The following EXT1 variants were observed in gnomAD, a reference collection of about 807,000 sequenced individuals.
EXT1 encodes the protein exostosin-1.
A neutral mutation model predicts 82.5 loss-of-function variants in EXT1; 20 were observed. That is an observed-to-expected ratio of 0.24 (90% CI 0.17 to 0.35). The LOEUF is 0.35. EXT1 is among the 10% of genes least tolerant of loss of function. EXT1 has a pLI of 1.00. For missense variants in EXT1, 757 were observed against 936.5 expected (o/e 0.81, Z 2.50); for synonymous variants, 348 against 350.8 (o/e 0.99, Z 0.09).
chr8:117,838,521 G>A (rs989995118), intron 1 of EXT1, among the ~76,000 whole-genome samples: 2 of 151,872 alleles, frequency 1.3e-5, no homozygotes, highest in Admixed American at 1.3e-4. Flanking sequence ...CACCGTGAAT[G>A]GATTAAGATT....
chr8:117,813,057 A>G lies in EXT1; in HGVS notation c.1633-96T>C, dbSNP rs1823356549. Reference sequence around the variant, plus strand: ...GGACAATTCTCCCATCCTCACCTGCATAAAGAATGCGCTACTATCATGTCA... The same window carrying G: ...GGACAATTCTCCCATCCTCACCTGCGTAAAGAATGCGCTACTATCATGTCA... On this transcript the variant is annotated intron_variant, in intron 7 of 10. Transcript: ENST00000378204. 1.0e-4 allele frequency: 93 copies of G among 933,024 alleles called. 1 individual carries two copies. In the South Asian group the frequency reaches 1.3e-3, roughly 13 times the overall value. 57.8% of individuals were successfully genotyped at this position (933,024 alleles called of 1,614,324 possible).
intron 2 of EXT1, among the ~76,000 whole-genome samples, chr8:117,835,815 C>T (rs139405955): frequency 1.4e-3 from 217 of 152,296 alleles, no homozygotes; most frequent in Middle Eastern, 6.8e-3. Context: ...GTTTGGCTGA[C>T]CTTACTTCCA....
Position 118,110,608 on chromosome 8 carries a change from C to A in EXT1, c.439G>T (p.Asp147Tyr), listed in dbSNP as rs1245037592. ...ACAAAGAGGCACGCCTGGCTGGGGT[C>A]CGAGGTGTAGAACCTGGAGCCCTCG... ...AIEGSRFYTS[D>Y]PSQACLFVLS... The change falls in exon 1 of 11, where the codon GAC becomes TAC. Residue 147 changes from aspartate (D) to tyrosine (Y), a missense_variant. Asp to Tyr is a radical substitution (Grantham distance 160, BLOSUM62 -3). Coordinates refer to ENST00000378204, the MANE Select transcript of EXT1 (RefSeq NM_000127.3). 2.5e-6 allele frequency: 4 copies of A among 1,614,032 alleles called. No individual in the cohort carries two copies. Among genetic ancestry groups the A allele is most frequent in the African/African-American group, 1.3e-5 (1 of 74,890 alleles).
chr8:117,895,418 C>T (rs1481884518), intron 1 of EXT1, among the ~76,000 whole-genome samples: 1 of 152,122 alleles, frequency 6.6e-6, no homozygotes, highest in African/African-American at 2.4e-5. Context: ...ATTTGACAGG[C>T]ATGGTCAATG....
At chr8:117,814,101 GAGAAGA>G (rs892918749) in intron 7 of EXT1, among the ~76,000 whole-genome samples, 21 of 151,338 alleles carry the variant, frequency 1.4e-4, no homozygotes, top group African/African-American at 4.9e-4. Flanking sequence ...GAAGGAGAAG[GAGAAGA>G]AGAAGAAAAA....
chr8:117,809,352 C>G (rs10955833), intron 8 of EXT1, among the ~76,000 whole-genome samples: 58,199 of 149,766 alleles, frequency 0.39, 11,666 homozygotes, highest in Admixed American at 0.52. Context: ...AACATCCACA[C>G]GGGGCCAGGC....
intron 1 of EXT1, among the ~76,000 whole-genome samples, chr8:117,897,866 ACGGT>A (rs1813371831): frequency 6.6e-6 from 1 of 151,440 alleles, no homozygotes; most frequent in Admixed American, 6.6e-5. Flanking sequence ...GCCTCCCAAA[ACGGT>A]CGGATTATAG....
Position 117,819,753 on chromosome 8 carries a change from C to T in EXT1, c.1459G>A (p.Val487Met). ...TGGGACTGAGAGACCAGGGGGGTCACCGCATGGATGACTGCAGTGAATTTG... is the reference window on the plus strand; with the variant it reads ...TGGGACTGAGAGACCAGGGGGGTCATCGCATGGATGACTGCAGTGAATTTG... The part of the protein sequence containing the change: ...PSKFTAVIHA[V>M]TPLVSQSQPV... The change falls in exon 6 of 11, where the codon GTG (valine) becomes ATG (methionine). Residue 487 changes from valine to methionine, a missense_variant. Physicochemically the swap from Val to Met is conservative, Grantham distance 21. Around this residue, in one of 4 missense-constraint regions of EXT1, gnomAD observed 207 missense variants for 224.2 expected, o/e 0.92. Coordinates refer to ENST00000378204, the MANE Select transcript of EXT1 (RefSeq NM_000127.3). 6.2e-7 allele frequency: 1 copy of T among 1,613,414 alleles called. No homozygotes were observed. The highest frequency in any genetic ancestry group is 8.5e-7 in the Non-Finnish European group (1 of 1,180,012).
At chr8:117,853,263 G>T (rs968535876) in intron 1 of EXT1, among the ~76,000 whole-genome samples, 2 of 152,188 alleles carry the variant, frequency 1.3e-5, no homozygotes, top group African/African-American at 4.8e-5. Flanking sequence ...GGATGTCTGA[G>T]GCCGGGCATG....
chr8:117,985,262 A>G (rs1426871551), intron 1 of EXT1, among the ~76,000 whole-genome samples: 1 of 152,226 alleles, frequency 6.6e-6, no homozygotes, highest in Admixed American at 6.5e-5. Context: ...CAAAGGCACA[A>G]GCCACAGACC....
intron 1 of EXT1, among the ~76,000 whole-genome samples, chr8:117,980,696 TGG>T (rs773789919): frequency 1.4e-3 from 11 of 7,910 alleles, no homozygotes; most frequent in South Asian, 0.011. Flanking sequence ...CGGGTGTTGG[TGG>T]TTTTTTTTTT....
rs192356179 is a variant in EXT1, at chr8:117,990,028, C to G, written c.962+120057G>C. ...GTCTACTAAAAATACAAAATATTAG[C>G]TGGGTGTGGTGGTATGAGCCTGTAA... is the stretch of plus-strand genomic sequence containing the variant. On this transcript the variant is annotated intron_variant, in intron 1 of 10. Coordinates refer to ENST00000378204, the MANE Select transcript of EXT1 (RefSeq NM_000127.3). Among the ~76,000 whole-genome samples, 612 of 152,178 alleles carry G rather than the reference C, an allele frequency of 4.0e-3. 16 individuals are homozygous for G. The highest frequency in any genetic ancestry group is 0.038 in the Admixed American group (584 of 15,272).
chr8:117,811,258 TTGAA>T (rs1171850309), intron 8 of EXT1, among the ~76,000 whole-genome samples: 6 of 152,218 alleles, frequency 3.9e-5, no homozygotes, highest in African/African-American at 1.4e-4. Context: ...TAAATACTTG[TTGAA>T]TGAATGTGTT....
chr8:117,948,402 C>T (rs1409241276), intron 1 of EXT1, among the ~76,000 whole-genome samples: 2 of 150,722 alleles, frequency 1.3e-5, no homozygotes, highest in Admixed American at 6.6e-5. Context: ...AGAACAAGGT[C>T]AACAAATGTT....
At chr8:117,865,469 A>T (rs1324889043) in intron 1 of EXT1, among the ~76,000 whole-genome samples, 1 of 152,194 alleles carries the variant, frequency 6.6e-6, no homozygotes, top group Non-Finnish European at 1.5e-5. Context: ...GTGATTATAG[A>T]GCGAGAAAAA....
chr8:117,973,911 AGGG>A (rs1272818409), intron 1 of EXT1, among the ~76,000 whole-genome samples: 4 of 146,006 alleles, frequency 2.7e-5, no homozygotes, highest in African/African-American at 1.0e-4. Flanking sequence ...AAAGGAAAGG[AGGG>A]AAGAAAGGCA....
At chr8:118,082,160 G>A (rs1333907841) in intron 1 of EXT1, among the ~76,000 whole-genome samples, 4 of 152,138 alleles carry the variant, frequency 2.6e-5, no homozygotes, top group African/African-American at 9.7e-5. Flanking sequence ...CTCAGACTAG[G>A]GGAAGGGGAT....
Position 117,995,130 on chromosome 8 carries a change from G to A in EXT1, c.962+114955C>T, listed in dbSNP as rs556637142. 7.9e-5 allele frequency among the ~76,000 whole-genome samples: 12 copies of A among 152,232 alleles called. No individual in the cohort carries two copies. In the South Asian group the frequency reaches 2.5e-3, roughly 32 times the overall value. ...AAAGATTTCACCCTCATTTTTTTAAGATCTTAAAAATAGATGGAGCTTTTA... is the reference window on the plus strand; with the variant it reads ...AAAGATTTCACCCTCATTTTTTTAAAATCTTAAAAATAGATGGAGCTTTTA... On this transcript the variant is annotated intron_variant, in intron 1 of 10. Coordinates refer to ENST00000378204, the MANE Select transcript of EXT1 (RefSeq NM_000127.3).
rs181180019 is a variant in EXT1, at chr8:117,973,541, G to C, written c.963-136340C>G. Among the ~76,000 whole-genome samples the C allele has an allele frequency of 1.2e-4, 18 of 152,146 alleles. No homozygotes were observed. In the East Asian group the frequency reaches 3.5e-3, roughly 29 times the overall value. On this transcript the variant is annotated intron_variant, in intron 1 of 10. Transcript: ENST00000378204. Reference sequence around the variant, plus strand: ...AAAGTCACTTTGGGAGGCTGAAGTGGGAGGACTGCATGAGCCTAGGAGTTC... The same window carrying C: ...AAAGTCACTTTGGGAGGCTGAAGTGCGAGGACTGCATGAGCCTAGGAGTTC...
Sources: gnomAD v4.1 joint callset for allele counts (sites outside exome capture counted in the v4.1 genomes callset) on GRCh38, gnomAD v4.1.1 for gene constraint, gnomAD v4.1.1 regional missense constraint, MANE v1.5 for transcripts, NCBI Gene and HGNC (gene_info 2026-07-23, HGNC 2026-07-21) for gene names.